SLC9A2: variants seen among roughly 807,000 people sequenced by gnomAD.
The protein encoded by SLC9A2 is solute carrier family 9 member A2.
Under a neutral mutation model 71.7 loss-of-function variants are expected in SLC9A2, and 42 were observed. The ratio of observed to expected loss-of-function variants is 0.59; its 90% CI spans 0.46 to 0.76. The LOEUF is 0.76. Among genes scored for constraint, SLC9A2 ranks in the 30% least tolerant of loss-of-function variants. The pLI, the probability that SLC9A2 is intolerant of heterozygous loss-of-function variation, is 0.00. For synonymous variants in SLC9A2, 396 were observed against 392.5 expected (o/e 1.01, Z -0.10); for missense variants, 829 against 1,017.4 (o/e 0.81, Z 2.52).
chr2:102,695,084 A>G lies in SLC9A2; in HGVS notation c.1557A>G (p.Gly519=). ...AGACTGGAATTGAAGATGTTTGTGG[A>G]CATTGGGGTCACAACTTTTGGAGAG... is the stretch of plus-strand genomic sequence containing the variant. ...HVKTGIEDVC[G]HWGHNFWRDK... is the part of the protein sequence containing the mutation. Residue 519 remains glycine (G), a synonymous_variant, in exon 7 of 12, where the codon GGA becomes GGG. Transcript: ENST00000233969. The G allele has an allele frequency of 6.2e-7, 1 of 1,613,976 alleles. No individual in the cohort carries two copies. The highest frequency in any genetic ancestry group is 8.5e-7 in the Non-Finnish European group (1 of 1,179,882).
intron 3 of SLC9A2, among the ~76,000 whole-genome samples, chr2:102,673,918 G>A (rs1410151921): frequency 6.6e-6 from 1 of 151,780 alleles, no homozygotes; most frequent in Non-Finnish European, 1.5e-5. Flanking sequence ...TGCCCGAGCA[G>A]CTGGGACTAC....
At chr2:102,690,842 T>C (rs1357502654) in intron 5 of SLC9A2, among the ~76,000 whole-genome samples, 5 of 152,124 alleles carry the variant, frequency 3.3e-5, no homozygotes, top group African/African-American at 4.8e-5. Flanking sequence ...TGAAAATCGT[T>C]TCTATAAGTT....
At chr2:102,665,773 T>TAAAA (rs11426516) in intron 3 of SLC9A2, among the ~76,000 whole-genome samples, 2,049 of 38,692 alleles carry the variant, frequency 0.053, 314 homozygotes, top group East Asian at 0.12. Flanking sequence ...GACTCTGTCT[T>TAAAA]AAAAAAAAAA....
At chr2:102,629,797 A>T (rs1404531058) in intron 1 of SLC9A2, among the ~76,000 whole-genome samples, 1 of 152,088 alleles carries the variant, frequency 6.6e-6, no homozygotes, top group Non-Finnish European at 1.5e-5. Context: ...CACATCTCAG[A>T]TACATTTTCC....
chr2:102,656,143 A>G (rs1676936918), intron 1 of SLC9A2, among the ~76,000 whole-genome samples: 1 of 152,254 alleles, frequency 6.6e-6, no homozygotes, highest in Non-Finnish European at 1.5e-5. Flanking sequence ...CTTGCAAATA[A>G]GTGCGCTCCA....
At chr2:102,636,741 G>A (rs1259506128) in intron 1 of SLC9A2, among the ~76,000 whole-genome samples, 1 of 152,182 alleles carries the variant, frequency 6.6e-6, no homozygotes, top group Non-Finnish European at 1.5e-5. Flanking sequence ...TGGCTGGCAT[G>A]GGAAGTTCTG....
intron 1 of SLC9A2, among the ~76,000 whole-genome samples, chr2:102,638,793 C>G (rs1401625400): frequency 6.6e-6 from 1 of 152,154 alleles, no homozygotes; most frequent in African/African-American, 2.4e-5. Context: ...CCAGGAGTTT[C>G]AGAAAACATA....
At chr2:102,690,726 A>T (rs1022837564) in intron 5 of SLC9A2, among the ~76,000 whole-genome samples, 1 of 152,164 alleles carries the variant, frequency 6.6e-6, no homozygotes, top group African/African-American at 2.4e-5. Flanking sequence ...TTCTAAGATA[A>T]ACACTGTTTG....
Position 102,684,377 on chromosome 2 carries a change from C to G in SLC9A2, c.1425+41C>G, listed in dbSNP as rs551262624. On this transcript the variant is annotated intron_variant, in intron 5 of 11. Transcript: ENST00000233969. ...CCTTTACCAGGAGGGTAAAAAATAT[C>G]GTTCAGAATATTGGATTCTGTTTAC... 13 of 1,553,008 alleles carry G rather than the reference C, an allele frequency of 8.4e-6. 1 individual carries two copies. In the South Asian group the frequency reaches 1.4e-4, roughly 17 times the overall value.
chr2:102,626,476 A>T (rs1046464046), intron 1 of SLC9A2, among the ~76,000 whole-genome samples: 3 of 152,238 alleles, frequency 2.0e-5, no homozygotes, highest in Admixed American at 6.5e-5. Flanking sequence ...ACCCTAGAAG[A>T]AAACCTAGGC....
intron 2 of SLC9A2, among the ~76,000 whole-genome samples, chr2:102,661,058 C>T (rs1017099125): frequency 1.3e-5 from 2 of 152,074 alleles, no homozygotes; most frequent in African/African-American, 2.4e-5. Context: ...TGCTATTGTA[C>T]AGGGCTGTAG....
chr2:102,665,429 G>T, intron 3 of SLC9A2, 79 bp downstream of exon 3: 1 of 1,391,552 alleles, frequency 7.2e-7, no homozygotes, highest in South Asian at 1.4e-5. Flanking sequence ...TATTAAAGTT[G>T]AATAAGTTAT....
chr2:102,671,488 T>G (rs79105364), intron 3 of SLC9A2, among the ~76,000 whole-genome samples: 1 of 152,246 alleles, frequency 6.6e-6, no homozygotes, highest in Non-Finnish European at 1.5e-5. Context: ...AAAAAGCTTG[T>G]GATTATCTTT....
chr2:102,647,012 C>T (rs2104512239), intron 1 of SLC9A2, among the ~76,000 whole-genome samples: 1 of 152,172 alleles, frequency 6.6e-6, no homozygotes, highest in Middle Eastern at 3.4e-3. Context: ...ATTGTACATT[C>T]TTCTCAGTAC....
intron 5 of SLC9A2, among the ~76,000 whole-genome samples, chr2:102,685,309 CTG>C (rs1228408295): frequency 1.1e-4 from 17 of 152,114 alleles, no homozygotes; most frequent in Non-Finnish European, 2.5e-4. Flanking sequence ...GAAGCAGGGT[CTG>C]GAGTCCTACA....
intron 9 of SLC9A2, among the ~76,000 whole-genome samples, chr2:102,703,089 C>G (rs1187049241): frequency 2.6e-5 from 4 of 152,148 alleles, no homozygotes; most frequent in Admixed American, 2.6e-4. Flanking sequence ...TGAAGTGGCA[C>G]ACGGGCCACA....
rs1011863751 is a variant in SLC9A2, at chr2:102,665,339, A to C, written c.993A>C (p.Ser331=). Residue 331 remains serine, a synonymous_variant, in exon 3 of 12, where the codon TCA becomes TCC. Transcript: ENST00000233969. Reference sequence around the variant, plus strand: ...TCACAGCTGAAATGTTTCACCTCTCAGGCATCATGGCGTAAGTACTTCTTT... The same window carrying C: ...TCACAGCTGAAATGTTTCACCTCTCCGGCATCATGGCGTAAGTACTTCTTT... ...SYITAEMFHL[S]GIMAITACAM... is the part of the protein sequence containing the mutation. 2 of 1,612,400 alleles carry C rather than the reference A, an allele frequency of 1.2e-6. No homozygotes were observed. The highest frequency in any genetic ancestry group is 1.1e-5 in the South Asian group (1 of 91,028).
At chr2:102,664,102 C>T (rs1271140667) in intron 2 of SLC9A2, among the ~76,000 whole-genome samples, 2 of 151,864 alleles carry the variant, frequency 1.3e-5, no homozygotes, top group African/African-American at 4.8e-5. Flanking sequence ...ATCATGAGAC[C>T]CCATCTCTAC....
intron 9 of SLC9A2, 132 bp from the exon 10 acceptor site, chr2:102,704,412 T>C: frequency 1.6e-6 from 1 of 629,812 alleles, no homozygotes; most frequent in South Asian, 2.1e-5. Context: ...AATTTTTTGC[T>C]CTGCACAGAA....
Sources: allele counts gnomAD v4.1 joint callset (sites outside exome capture counted in the v4.1 genomes callset), GRCh38; gene constraint gnomAD v4.1.1; transcripts MANE v1.5; gene names NCBI Gene and HGNC (gene_info 2026-07-23, HGNC 2026-07-21).